Variants in NEBL observed in about 807,000 individuals in gnomAD.
The protein encoded by NEBL is LIM and SH3 protein 2.
NEBL carries 122 observed loss-of-function variants against 140.2 expected under a neutral mutation model. The ratio of observed to expected loss-of-function variants is 0.87; its 90% CI spans 0.75 to 1.01. NEBL has a LOEUF of 1.01. Among genes scored for constraint, NEBL ranks in the 50% least tolerant of loss-of-function variants. The probability of loss-of-function intolerance (pLI) is 0.00; values close to 1 mark genes in which losing one functional copy is unlikely to be tolerated. For missense variants in NEBL, 1,365 were observed against 1,231.3 expected (o/e 1.11, Z -1.62); for synonymous variants, 436 against 398.9 (o/e 1.09, Z -1.11).
chr10:21,057,541 C>CCT (rs1382405322), intron 2 of NEBL, among the ~76,000 whole-genome samples: 2 of 129,752 alleles, frequency 1.5e-5, no homozygotes, highest in Non-Finnish European at 3.3e-5. Context: ...CAATGAAATT[C>CCT]CTTTTTTTTT....
At chr10:21,182,903 A>G (rs1412657942) in intron 3 of NEBL, among the ~76,000 whole-genome samples, 2 of 152,206 alleles carry the variant, frequency 1.3e-5, no homozygotes, top group Non-Finnish European at 2.9e-5. Context: ...AAAATGCAGT[A>G]CCCACTTTAT....
intron 3 of NEBL, among the ~76,000 whole-genome samples, chr10:21,198,858 T>C (rs117334408): frequency 2.0e-5 from 3 of 152,290 alleles, no homozygotes; most frequent in East Asian, 3.9e-4. Flanking sequence ...GACCATTTTC[T>C]CTTTCTCGGG....
At chr10:21,158,061 C>T (rs1265273780) in intron 2 of NEBL, among the ~76,000 whole-genome samples, 1 of 152,212 alleles carries the variant, frequency 6.6e-6, no homozygotes, top group African/African-American at 2.4e-5. Context: ...AACTGTGAGA[C>T]AACAAATGTC....
intron 5 of NEBL, among the ~76,000 whole-genome samples, chr10:20,877,442 G>A (rs1845605720): frequency 6.6e-6 from 1 of 152,222 alleles, no homozygotes; most frequent in East Asian, 1.9e-4. Flanking sequence ...GGGTAAGGAA[G>A]TCCTTCGTAA....
At chr10:21,039,919 G>C (rs1028409617) in intron 2 of NEBL, among the ~76,000 whole-genome samples, 1 of 152,176 alleles carries the variant, frequency 6.6e-6, no homozygotes, top group African/African-American at 2.4e-5. Flanking sequence ...CATGAAGAAT[G>C]GGAGGATGCA....
intron 4 of NEBL, among the ~76,000 whole-genome samples, chr10:20,952,440 G>GAAAAA (rs71390801): frequency 3.9e-5 from 4 of 101,738 alleles, no homozygotes; most frequent in Admixed American, 1.1e-4. Context: ...CTGTCTGAAG[G>GAAAAA]AAAAAAAAAA....
intron 3 of NEBL, among the ~76,000 whole-genome samples, chr10:20,999,897 C>T (rs1275754330): frequency 6.6e-6 from 1 of 152,010 alleles, no homozygotes; most frequent in Non-Finnish European, 1.5e-5. Flanking sequence ...GTTGGTTCCC[C>T]ATGCTGATGT....
At chr10:21,289,843 A>T (rs1262506929) in intron 1 of NEBL, among the ~76,000 whole-genome samples, 1 of 152,290 alleles carries the variant, frequency 6.6e-6, no homozygotes, top group Admixed American at 6.5e-5. Flanking sequence ...GTGCCTGCTT[A>T]TTGTTCCATT....
intron 1 of NEBL, among the ~76,000 whole-genome samples, chr10:21,262,377 C>T (rs1842750131): frequency 6.6e-6 from 1 of 152,206 alleles, no homozygotes; most frequent in South Asian, 2.1e-4. Context: ...AGGGAAGGTG[C>T]TCTCTGGCCC....
intron 2 of NEBL, among the ~76,000 whole-genome samples, chr10:21,066,595 G>T (rs1835557416): frequency 6.6e-6 from 1 of 152,146 alleles, no homozygotes; most frequent in Non-Finnish European, 1.5e-5. Flanking sequence ...AGCAAACAGA[G>T]AATCATTAAT....
At chr10:21,263,019 G>GAT in intron 1 of NEBL, among the ~76,000 whole-genome samples, 1 of 152,336 alleles carries the variant, frequency 6.6e-6, no homozygotes, top group East Asian at 1.9e-4. Flanking sequence ...TTCTCAAGAA[G>GAT]ATACAGATGT....
chr10:20,945,267 G>A (rs566164737), intron 4 of NEBL, among the ~76,000 whole-genome samples: 96 of 152,092 alleles, frequency 6.3e-4, no homozygotes, highest in African/African-American at 2.0e-3. Context: ...ATCTGGGACC[G>A]TCACCAAACC....
At chr10:20,992,766 T>A (rs1330500450) in intron 3 of NEBL, among the ~76,000 whole-genome samples, 3 of 9,730 alleles carry the variant, frequency 3.1e-4, no homozygotes, top group Non-Finnish European at 6.2e-4. Context: ...CTACAAAGTC[T>A]TTTTTTTTTT....
chr10:21,089,896 T>G (rs1471462287), intron 2 of NEBL, among the ~76,000 whole-genome samples: 1 of 152,244 alleles, frequency 6.6e-6, no homozygotes, highest in Non-Finnish European at 1.5e-5. Flanking sequence ...TTTGTAGCAC[T>G]GTGCCTTCTT....
intron 3 of NEBL, among the ~76,000 whole-genome samples, chr10:21,237,330 G>A (rs574874632): frequency 5.9e-5 from 9 of 151,774 alleles, no homozygotes; most frequent in Admixed American, 5.9e-4. Context: ...TCAGCCTCCC[G>A]AGTAGCTAAG....
intron 3 of NEBL, among the ~76,000 whole-genome samples, chr10:21,204,838 G>T (rs1296157024): frequency 6.6e-6 from 1 of 152,148 alleles, no homozygotes; most frequent in Non-Finnish European, 1.5e-5. Context: ...ACTGCAGGTG[G>T]GGCATTGACA....
intron 26 of NEBL, among the ~76,000 whole-genome samples, chr10:20,802,843 T>G (rs1436899335): frequency 6.6e-6 from 1 of 152,158 alleles, no homozygotes; most frequent in Non-Finnish European, 1.5e-5. Flanking sequence ...AACACATTCT[T>G]ACACATAGAA....
At chr10:20,834,939 G>A (rs1189449350) in intron 14 of NEBL, among the ~76,000 whole-genome samples, 1 of 152,126 alleles carries the variant, frequency 6.6e-6, no homozygotes. Flanking sequence ...TCAATATCCT[G>A]TATCCCATGA....
chr10:21,214,463 TG>T (rs1187997533), intron 3 of NEBL, among the ~76,000 whole-genome samples: 10 of 151,604 alleles, frequency 6.6e-5, no homozygotes, highest in Non-Finnish European at 1.0e-4. Context: ...GGCACACACA[TG>T]GCACACACAT....
Sources: gnomAD v4.1 joint callset for allele counts (sites outside exome capture counted in the v4.1 genomes callset) on GRCh38, gnomAD v4.1.1 for gene constraint, MANE v1.5 for transcripts, NCBI Gene and HGNC (gene_info 2026-07-23, HGNC 2026-07-21) for gene names.